The following ZNF554 variants were observed in gnomAD, a reference collection of about 807,000 sequenced individuals.
ZNF554 encodes zinc finger protein 554.
ZNF554 carries 15 observed loss-of-function variants against 21.2 expected under a neutral mutation model. That is an observed-to-expected ratio of 0.71 (90% CI 0.47 to 1.09). The LOEUF (loss-of-function observed/expected upper bound fraction) is 1.09, where lower values mean the gene tolerates loss of function less well. Among genes scored for constraint, ZNF554 ranks in the 50% least tolerant of loss-of-function variants. The pLI, the probability that ZNF554 is intolerant of heterozygous loss-of-function variation, is 0.00. For missense variants in ZNF554, 691 were observed against 662.7 expected, an observed-to-expected ratio of 1.04 and a Z score of -0.47; for synonymous variants, 258 against 251.4, an observed-to-expected ratio of 1.03 and a Z score of -0.25.
Position 2,823,120 on chromosome 19 carries a change from G to T in ZNF554, c.126+8G>T. The T allele has an allele frequency of 6.2e-7, 1 of 1,611,416 alleles. No homozygotes were observed. Among genetic ancestry groups the T allele is most frequent in the Non-Finnish European group, 8.5e-7 (1 of 1,178,050 alleles). ...CTGCCCCGCTGGTCCCAGGTGAGATGTCCTCATTCTCCCAAAGGGCACCCA... is the reference window on the plus strand; with the variant it reads ...CTGCCCCGCTGGTCCCAGGTGAGATTTCCTCATTCTCCCAAAGGGCACCCA... On this transcript the variant is annotated splice_region_variant and intron_variant, in intron 2 of 4. Coordinates refer to ENST00000317243, the MANE Select transcript of ZNF554 (RefSeq NM_001102651.2).
Position 2,835,299 on chromosome 19 carries a change from T to C in ZNF554, c.*447T>C, listed in dbSNP as rs1303373824. The C allele has an allele frequency of 3.2e-5, 5 of 157,616 alleles. No individual in the cohort carries two copies. The highest frequency in any genetic ancestry group is 1.8e-4 in the South Asian group (1 of 5,506). The allele number at this position is 157,616 out of a possible 1,614,324, so 9.8% of individuals were successfully genotyped here. A position where few individuals can be genotyped will look rare whatever the true frequency, so the allele number is the denominator to read the frequency against. On this transcript the variant is annotated 3_prime_UTR_variant, in exon 5 of 5. Coordinates refer to ENST00000317243, the MANE Select transcript of ZNF554 (RefSeq NM_001102651.2). ...CATCCTGGCTAACACAGTGAAACCCTGTCTCTACTAAAAATACAAAAAAGT... is the reference window on the plus strand; with the variant it reads ...CATCCTGGCTAACACAGTGAAACCCCGTCTCTACTAAAAATACAAAAAAGT...
In ZNF554 at chr19:2,835,416, G is replaced by C. The variant is rs1599555765; in HGVS notation, c.*564G>C. The C allele has an allele frequency of 1.3e-5, 2 of 151,524 alleles. No homozygotes were observed. Among genetic ancestry groups the C allele is most frequent in the Admixed American group, 1.3e-4 (2 of 15,198 alleles). 9.4% of individuals were successfully genotyped at this position (151,524 alleles called of 1,614,324 possible). On this transcript the variant is annotated 3_prime_UTR_variant, in exon 5 of 5. Transcript: ENST00000317243. Reference sequence around the variant, plus strand: ...GAACCCGGGAGGTGGAGCTTGCAGTGAGCCGAGATCGCACCACTGCACTCC... The same window carrying C: ...GAACCCGGGAGGTGGAGCTTGCAGTCAGCCGAGATCGCACCACTGCACTCC...
intron 1 of ZNF554, among the ~76,000 whole-genome samples, chr19:2,822,278 T>G (rs111266405): frequency 3.3e-5 from 5 of 152,178 alleles, no homozygotes; most frequent in African/African-American, 1.2e-4. Flanking sequence ...CTTGAACCCC[T>G]GGGCTCAAGT....
intron 1 of ZNF554, 116 bp downstream of exon 1, chr19:2,820,240 C>A: frequency 1.0e-6 from 1 of 982,006 alleles, no homozygotes; most frequent in Non-Finnish European, 1.3e-6. Flanking sequence ...GATAGGGTCC[C>A]CACGGGAGGG....
intron 4 of ZNF554, among the ~76,000 whole-genome samples, 170 bp downstream of exon 4, chr19:2,832,664 A>G (rs564324632): frequency 5.9e-5 from 9 of 152,272 alleles, no homozygotes; most frequent in African/African-American, 1.9e-4. Flanking sequence ...ACTACCTTAC[A>G]TGACCTCTCT....
Position 2,834,927 on chromosome 19 carries a change from A to C in ZNF554, c.*75A>C. The C allele has an allele frequency of 7.4e-7, 1 of 1,357,474 alleles. No homozygotes were observed. Among genetic ancestry groups the C allele is most frequent in the Non-Finnish European group, 1.0e-6 (1 of 999,360 alleles). 84.1% of individuals were successfully genotyped at this position (1,357,474 alleles called of 1,614,324 possible). ...TGTGGTTATCTTTTGCCCTGTTGTG[A>C]TGGATAATTTGAAAAGAAGTGGGTT... On this transcript the variant is annotated 3_prime_UTR_variant, in exon 5 of 5. Coordinates refer to ENST00000317243, the MANE Select transcript of ZNF554 (RefSeq NM_001102651.2).
chr19:2,828,085 C>G (rs550002075), intron 3 of ZNF554, among the ~76,000 whole-genome samples: 8 of 152,248 alleles, frequency 5.3e-5, no homozygotes, highest in African/African-American at 1.7e-4. Flanking sequence ...CTGGCTCCAC[C>G]CTTGACGTCG....
chr19:2,823,270 A>G (rs2087286958), intron 2 of ZNF554, among the ~76,000 whole-genome samples, 158 bp downstream of exon 2: 1 of 152,130 alleles, frequency 6.6e-6, no homozygotes, highest in Non-Finnish European at 1.5e-5. Context: ...TGCTGCTCCC[A>G]GGTGTAAAGA....
intron 1 of ZNF554, among the ~76,000 whole-genome samples, chr19:2,820,689 T>C (rs2087251273): frequency 1.4e-5 from 2 of 145,362 alleles, no homozygotes; most frequent in Non-Finnish European, 1.5e-5. Context: ...GGGTCCTTTT[T>C]TTTTTTTTTT....
In ZNF554 at chr19:2,835,372, T is replaced by C. The variant is rs1223399551; in HGVS notation, c.*520T>C. 1 of 152,562 alleles carries C rather than the reference T, an allele frequency of 6.6e-6. No homozygotes were observed. Among genetic ancestry groups the C allele is most frequent in the Non-Finnish European group, 1.4e-5 (1 of 69,012 alleles). The allele number at this position is 152,562 out of a possible 1,614,324, so 9.5% of individuals were successfully genotyped here. A position where few individuals can be genotyped will look rare whatever the true frequency, so the allele number is the denominator to read the frequency against. ...CTGTAGTCCCAACTACTCAGGAGGC[T>C]GAGGCAGGAGAATGGTGTGAACCCG... On this transcript the variant is annotated 3_prime_UTR_variant, in exon 5 of 5. Transcript: ENST00000317243.
Position 2,834,578 on chromosome 19 carries a change from G to A in ZNF554, c.1343G>A (p.Arg448His), listed in dbSNP as rs540132323. 109 of 1,614,078 alleles carry A rather than the reference G, an allele frequency of 6.8e-5. No homozygotes were observed. Among genetic ancestry groups the A allele is most frequent in the Non-Finnish European group, 8.1e-5 (96 of 1,180,022 alleles). Residue 448 changes from arginine to histidine, a missense_variant, in exon 5 of 5, where the codon CGT (arginine) becomes CAT (histidine). Physicochemically the swap from Arg to His is conservative, Grantham distance 29. Coordinates refer to ENST00000317243, the MANE Select transcript of ZNF554 (RefSeq NM_001102651.2). Reference protein sequence around the residue: ...CSECGKAFSDRSSLNQHERTH... With the variant: ...CSECGKAFSDHSSLNQHERTH... ...GAATGTGGAAAGGCCTTCAGTGACC[G>A]TTCCTCTCTCAACCAGCACGAGCGA...
chr19:2,823,675 C>T (rs748981192), intron 2 of ZNF554, among the ~76,000 whole-genome samples: 8 of 152,126 alleles, frequency 5.3e-5, no homozygotes, highest in East Asian at 1.9e-4. Flanking sequence ...TCTTCTCTGC[C>T]GGCAGATCAT....
chr19:2,828,452 G>T (rs1328951946), intron 3 of ZNF554, among the ~76,000 whole-genome samples: 1 of 152,104 alleles, frequency 6.6e-6, no homozygotes, highest in African/African-American at 2.4e-5. Flanking sequence ...AAGCACTTAG[G>T]GATCACAAGG....
rs765618417 is a variant in ZNF554 at position 2,833,992 on chromosome 19, A to G, written c.757A>G (p.Ser253Gly). The G allele has an allele frequency of 1.1e-5, 18 of 1,614,040 alleles. No individual in the cohort carries two copies. The highest frequency in any genetic ancestry group is 6.7e-5 in the Admixed American group (4 of 60,008). Residue 253 changes from serine (S) to glycine (G), a missense_variant, in exon 5 of 5, where the codon AGC (serine) becomes GGC (glycine). Transcript: ENST00000317243. ...GTGTGGCAGCGAGTTAGATATTACA[A>G]GCTTGGCATCCGATTCAGTCTTAAA... is the stretch of plus-strand genomic sequence containing the variant. ...HLCGSELDIT[S>G]LASDSVLNHH...
intron 3 of ZNF554, chr19:2,830,765 AT>A (rs33977833): frequency 0.043 from 6,255 of 145,298 alleles, 457 homozygotes; most frequent in African/African-American, 0.15. Context: ...CTGTTTTTGT[AT>A]TTTTTTTTTT....
At chr19:2,831,142 C>T (rs1170625011) in intron 3 of ZNF554, 1 of 152,170 alleles carries the variant, frequency 6.6e-6, no homozygotes, top group Non-Finnish European at 1.5e-5. Flanking sequence ...TCTCCACATC[C>T]TTGGCAACAC....
rs1490999881 is a variant in ZNF554, at chr19:2,823,298, G to A, written c.126+186G>A. Among the ~76,000 whole-genome samples, 6 of 152,244 alleles carry A rather than the reference G, an allele frequency of 3.9e-5. No homozygotes were observed. In the East Asian group the frequency reaches 1.2e-3, roughly 29 times the overall value. On this transcript the variant is annotated intron_variant, in intron 2 of 4. Transcript: ENST00000317243. ...TGTAAAGAGTGACCCTCAGTATTGGGACTGAGCACAGCCTCTCCCTAGGAG... is the reference window on the plus strand; with the variant it reads ...TGTAAAGAGTGACCCTCAGTATTGGAACTGAGCACAGCCTCTCCCTAGGAG...
At chr19:2,823,620 C>T (rs893957208) in intron 2 of ZNF554, among the ~76,000 whole-genome samples, 1 of 152,158 alleles carries the variant, frequency 6.6e-6, no homozygotes. Context: ...AAGCTCTCAG[C>T]AGGGACGGTA....
intron 2 of ZNF554, among the ~76,000 whole-genome samples, 184 bp from the exon 3 acceptor site, chr19:2,827,433 G>C (rs535384034): frequency 1.3e-5 from 2 of 152,208 alleles, no homozygotes; most frequent in African/African-American, 4.8e-5. Context: ...GTGGGCCTAG[G>C]GTCTGTATGT....
Sources: gnomAD v4.1 joint callset for allele counts (sites outside exome capture counted in the v4.1 genomes callset) on GRCh38, gnomAD v4.1.1 for gene constraint, MANE v1.5 for transcripts, NCBI Gene and HGNC (gene_info 2026-07-23, HGNC 2026-07-21) for gene names.